The following TESK2 variants were observed in gnomAD, a reference collection of about 807,000 sequenced individuals.
TESK2 encodes the protein testis associated actin remodelling kinase 2, also known as dual specificity testis-specific protein kinase 2.
A neutral mutation model predicts 57.1 loss-of-function variants in TESK2; 39 were observed. The observed-to-expected ratio is 0.68, with a 90% CI of 0.53 to 0.89. TESK2 has a LOEUF of 0.89. TESK2 is among the 40% of genes least tolerant of loss of function. The pLI is 0.00. For missense variants in TESK2, 646 were observed against 732.1 expected (o/e 0.88, Z 1.36); for synonymous variants, 249 against 267.9 (o/e 0.93, Z 0.69).
chr1:45,431,405 G>A (rs1027715042), intron 2 of TESK2, among the ~76,000 whole-genome samples: 3 of 151,868 alleles, frequency 2.0e-5, no homozygotes, highest in South Asian at 4.2e-4. Context: ...GCAATAGAGC[G>A]AGAACCTATC....
chr1:45,398,132 C>G (rs569904091), intron 3 of TESK2, among the ~76,000 whole-genome samples: 2 of 152,140 alleles, frequency 1.3e-5, no homozygotes, highest in African/African-American at 2.4e-5. Flanking sequence ...TACTCTCGAA[C>G]TCCTGGCCTC....
chr1:45,469,339 T>G (rs1365861912), intron 1 of TESK2, among the ~76,000 whole-genome samples: 2 of 152,216 alleles, frequency 1.3e-5, no homozygotes, highest in Non-Finnish European at 2.9e-5. Flanking sequence ...GCAGCCACTA[T>G]TTACTACAGA....
chr1:45,391,125 C>A (rs1258038506), intron 3 of TESK2, among the ~76,000 whole-genome samples: 1 of 151,704 alleles, frequency 6.6e-6, no homozygotes, highest in Non-Finnish European at 1.5e-5. Context: ...ACTGTGTTAG[C>A]CAGGATGGTC....
intron 2 of TESK2, among the ~76,000 whole-genome samples, chr1:45,436,902 A>G (rs1390963005): frequency 2.0e-5 from 3 of 151,120 alleles, no homozygotes; most frequent in African/African-American, 4.9e-5. Flanking sequence ...GGCTCAAGCG[A>G]TCCTCCCGCC....
At chr1:45,487,885 G>T (rs935862215) in intron 1 of TESK2, among the ~76,000 whole-genome samples, 2 of 151,464 alleles carry the variant, frequency 1.3e-5, no homozygotes, top group Non-Finnish European at 2.9e-5. Flanking sequence ...TTTCTAACTA[G>T]TAGGACCCTC....
intron 3 of TESK2, among the ~76,000 whole-genome samples, chr1:45,404,016 C>A (rs1474756743): frequency 6.6e-6 from 1 of 152,026 alleles, no homozygotes; most frequent in East Asian, 1.9e-4. Flanking sequence ...TCCACAAACT[C>A]AAGTATTTAA....
intron 1 of TESK2, among the ~76,000 whole-genome samples, chr1:45,473,028 C>T (rs1652832384): frequency 6.6e-6 from 1 of 150,716 alleles, no homozygotes; most frequent in South Asian, 2.1e-4. Flanking sequence ...GTGGCGGGTG[C>T]CTGTAGTCCC....
intron 1 of TESK2, among the ~76,000 whole-genome samples, chr1:45,466,686 T>C (rs533226355): frequency 6.7e-6 from 1 of 149,032 alleles, no homozygotes; most frequent in Non-Finnish European, 1.5e-5. Flanking sequence ...ATATATTATA[T>C]ATTACAGAAA....
intron 1 of TESK2, among the ~76,000 whole-genome samples, chr1:45,479,981 C>A (rs932607056): frequency 3.0e-4 from 46 of 151,696 alleles, no homozygotes; most frequent in African/African-American, 9.7e-4. Context: ...TGCCACCACA[C>A]CCGGCTAATT....
intron 1 of TESK2, among the ~76,000 whole-genome samples, chr1:45,480,674 A>C (rs1653180325): frequency 6.6e-6 from 1 of 151,178 alleles, no homozygotes; most frequent in South Asian, 2.1e-4. Context: ...GAAAATAATA[A>C]TAATAATAAA....
chr1:45,384,611 T>TTTATTTA (rs79783320), intron 4 of TESK2, among the ~76,000 whole-genome samples: 1 of 129,440 alleles, frequency 7.7e-6, no homozygotes, highest in East Asian at 2.1e-4. Flanking sequence ...TTTTTTTTTT[T>TTTATTTA]TTTTTTTTTT....
chr1:45,437,081 C>T (rs1457833909), intron 2 of TESK2, among the ~76,000 whole-genome samples: 6 of 152,148 alleles, frequency 3.9e-5, no homozygotes, highest in Admixed American at 6.5e-5. Context: ...AGGAGTGAGC[C>T]GCTGCGCCTG....
intron 3 of TESK2, among the ~76,000 whole-genome samples, chr1:45,419,760 C>T (rs746965871): frequency 4.6e-5 from 7 of 151,878 alleles, no homozygotes; most frequent in Admixed American, 1.3e-4. Flanking sequence ...GAGCTGAGAT[C>T]GAGCCATTGC....
rs1040693793 is a variant in TESK2, at chr1:45,443,581, A to G, written c.222+13983T>C. Reference sequence around the variant, plus strand: ...CGAGATCCATCGCAAAAAAAAAAAAAAAAAAAAAAAAAAAGGCATACAAAT... The same window carrying G: ...CGAGATCCATCGCAAAAAAAAAAAAGAAAAAAAAAAAAAAGGCATACAAAT... On this transcript the variant is annotated intron_variant, in intron 2 of 10. Transcript: ENST00000372086. Among the ~76,000 whole-genome samples the G allele has an allele frequency of 2.0e-4, 30 of 147,064 alleles. 1 individual carries two copies. In the East Asian group the frequency reaches 4.6e-3, roughly 23 times the overall value.
At chr1:45,463,367 G>A (rs1652412711) in intron 1 of TESK2, among the ~76,000 whole-genome samples, 1 of 152,126 alleles carries the variant, frequency 6.6e-6, no homozygotes, top group South Asian at 2.1e-4. Context: ...ACAGTTTGAG[G>A]TCTTAGATTT....
At chr1:45,396,093 A>G (rs1649344046) in intron 3 of TESK2, among the ~76,000 whole-genome samples, 2 of 151,864 alleles carry the variant, frequency 1.3e-5, no homozygotes, top group African/African-American at 4.8e-5. Context: ...TTCACTGGGT[A>G]AATTTATTTT....
intron 2 of TESK2, among the ~76,000 whole-genome samples, chr1:45,433,065 CTTTTTTTTTTTTTTTTTT>C (rs150419974): frequency 2.3e-5 from 1 of 43,610 alleles, no homozygotes; most frequent in Non-Finnish European, 3.8e-5. Flanking sequence ...CGCCCAGCCG[CTTTTTTTTTTTTTTTTTT>C]TTTTTTTTTT....
chr1:45,421,654 A>G, intron 3 of TESK2, 71 bp downstream of exon 3: 3 of 1,578,170 alleles, frequency 1.9e-6, no homozygotes, highest in Non-Finnish European at 2.6e-6. Flanking sequence ...TTTTTTTCCT[A>G]TTAGTGCTAT....
intron 4 of TESK2, among the ~76,000 whole-genome samples, chr1:45,370,208 A>C (rs975326056): frequency 3.9e-5 from 6 of 152,218 alleles, no homozygotes; most frequent in African/African-American, 1.2e-4. Context: ...AAGGACTAGG[A>C]TATCAGGCTG....
Sources: gnomAD v4.1 joint callset for allele counts (sites outside exome capture counted in the v4.1 genomes callset) on GRCh38, gnomAD v4.1.1 for gene constraint, MANE v1.5 for transcripts, NCBI Gene and HGNC (gene_info 2026-07-23, HGNC 2026-07-21) for gene names.